Variants in KYNU observed in about 807,000 individuals in gnomAD.
The protein encoded by KYNU is L-kynurenine hydrolase.
In KYNU, 54 loss-of-function variants were observed where a neutral mutation model predicts 59.2. That is an observed-to-expected ratio of 0.91 (90% confidence interval 0.73 to 1.14). The LOEUF (loss-of-function observed/expected upper bound fraction) is 1.14. Among genes scored for constraint, KYNU ranks in the 50% most tolerant of loss-of-function variants. KYNU has a pLI of 0.00. For synonymous variants in KYNU, 177 were observed against 192.0 expected, an observed-to-expected ratio of 0.92 and a Z score of 0.65; for missense variants, 567 against 554.4, an observed-to-expected ratio of 1.02 and a Z score of -0.23.
At position 142,918,722 on chromosome 2, in the gene KYNU, G is replaced by T. The variant is rs199881067; in HGVS notation, c.283G>T (p.Ala95Ser). The change falls in exon 3 of 14, where the codon GCC (alanine) becomes TCC (serine). Residue 95 changes from alanine to serine, a missense_variant. Ala to Ser is a moderately conservative substitution (Grantham distance 99, BLOSUM62 1). Transcript: ENST00000264170. ...TCTTGAAGAAGAACTAGATAAGTGG[G>T]CCAAAATGTAAGTATTATTTTAAAA... ...TYLEEELDKW[A>S]KIAAYGHEVG... The T allele has an allele frequency of 7.2e-5, 116 of 1,610,934 alleles. No homozygotes were observed. In the East Asian group the frequency reaches 2.4e-3, roughly 34 times the overall value.
chr2:142,928,169 G>C (rs1341395403), intron 4 of KYNU, among the ~76,000 whole-genome samples: 1 of 152,032 alleles, frequency 6.6e-6, no homozygotes, highest in Non-Finnish European at 1.5e-5. Flanking sequence ...AATCTTTGGT[G>C]ATCTATTTAA....
At chr2:142,905,232 T>C (rs1029652945) in intron 2 of KYNU, among the ~76,000 whole-genome samples, 4 of 152,336 alleles carry the variant, frequency 2.6e-5, no homozygotes, top group Admixed American at 2.0e-4. Flanking sequence ...GTTTATCTTA[T>C]GTGCCTTTTT....
At chr2:142,942,109 T>C (rs1683619621) in intron 4 of KYNU, among the ~76,000 whole-genome samples, 1 of 146,958 alleles carries the variant, frequency 6.8e-6, no homozygotes, top group South Asian at 2.1e-4. Flanking sequence ...CCTGGGAGTT[T>C]GAGGCTACAG....
rs183763627 is a variant in KYNU at position 142,898,721 on chromosome 2, C to T, written c.169+13185C>T. On this transcript the variant is annotated intron_variant, in intron 2 of 13. Coordinates refer to ENST00000264170, the MANE Select transcript of KYNU (RefSeq NM_003937.3). ...TGTTCTTAGAGCTCCCAAGATGGGG[C>T]GGGCCGCTCCCAAGATGGCAGCAAG... 7.0e-4 allele frequency among the ~76,000 whole-genome samples: 106 copies of T among 152,240 alleles called. 1 individual carries two copies. Among genetic ancestry groups the T allele is most frequent in the African/African-American group, 2.5e-3 (102 of 41,530 alleles).
intron 13 of KYNU, among the ~76,000 whole-genome samples, chr2:143,040,906 C>A (rs78679334): frequency 0.039 from 5,997 of 152,082 alleles, 274 homozygotes; most frequent in African/African-American, 0.11. Context: ...CTTACTCATT[C>A]TTTTCATAAC....
At chr2:142,921,676 G>T (rs1165732981) in intron 3 of KYNU, among the ~76,000 whole-genome samples, 2 of 152,136 alleles carry the variant, frequency 1.3e-5, no homozygotes, top group African/African-American at 2.4e-5. Flanking sequence ...GGGCATGGTG[G>T]TGCATGCCTG....
chr2:142,957,848 C>A, intron 7 of KYNU, 133 bp downstream of exon 7: 1 of 651,916 alleles, frequency 1.5e-6, no homozygotes, highest in Non-Finnish European at 2.7e-6. Context: ...ACCTATACTT[C>A]TGTTACTATT....
Position 143,053,497 on chromosome 2 carries a change from G to T in KYNU, c.*11325G>T, listed in dbSNP as rs757556712. The stretch of plus-strand genomic sequence containing the variant: ...AGAATGATATGGTTTGACTTTGTCC[G>T]CAGTCAAATCTCATCTTGAATTTCT... On this transcript the variant is annotated 3_prime_UTR_variant, in exon 14 of 14. Coordinates refer to ENST00000264170, the MANE Select transcript of KYNU (RefSeq NM_003937.3). The T allele has an allele frequency of 6.6e-6, 1 of 152,184 alleles. No homozygotes were observed. The highest frequency in any genetic ancestry group is 2.4e-5 in the African/African-American group (1 of 41,434). The allele number at this position is 152,184 out of a possible 1,614,324, so 9.4% of individuals were successfully genotyped here. A position where few individuals can be genotyped will look rare whatever the true frequency, so the allele number is the denominator to read the frequency against.
intron 4 of KYNU, among the ~76,000 whole-genome samples, chr2:142,954,545 G>A (rs1684099836): frequency 6.6e-6 from 1 of 152,078 alleles, no homozygotes; most frequent in South Asian, 2.1e-4. Context: ...TAGTTTACAG[G>A]CAAAAGCAAA....
chr2:142,982,273 G>A (rs1456461299), intron 8 of KYNU, among the ~76,000 whole-genome samples: 1 of 152,032 alleles, frequency 6.6e-6, no homozygotes, highest in Non-Finnish European at 1.5e-5. Flanking sequence ...GTTTTGCAAA[G>A]TTCTATCACC....
At chr2:142,970,600 T>G (rs1425612226) in intron 8 of KYNU, among the ~76,000 whole-genome samples, 1 of 152,188 alleles carries the variant, frequency 6.6e-6, no homozygotes, top group Non-Finnish European at 1.5e-5. Context: ...AATTGATGAA[T>G]AAAGGTTAAA....
intron 4 of KYNU, among the ~76,000 whole-genome samples, chr2:142,933,840 T>C (rs943953267): frequency 1.3e-5 from 2 of 152,150 alleles, no homozygotes; most frequent in African/African-American, 4.8e-5. Flanking sequence ...TGAGGTAGTA[T>C]GCACCAGGTG....
At chr2:143,011,216 GAA>G (rs953281440) in intron 10 of KYNU, among the ~76,000 whole-genome samples, 6 of 137,818 alleles carry the variant, frequency 4.4e-5, no homozygotes, top group South Asian at 2.5e-4. Flanking sequence ...AAATTTACAA[GAA>G]AAAAACAAAC....
chr2:142,981,087 A>G (rs956472633), intron 8 of KYNU, among the ~76,000 whole-genome samples: 2 of 152,102 alleles, frequency 1.3e-5, no homozygotes, highest in African/African-American at 4.8e-5. Context: ...TTGTCTACCA[A>G]CCAATGGGGA....
At chr2:142,987,615 T>C (rs945513824) in intron 10 of KYNU, among the ~76,000 whole-genome samples, 2 of 151,976 alleles carry the variant, frequency 1.3e-5, no homozygotes, top group African/African-American at 4.8e-5. Flanking sequence ...GAGAATCTTC[T>C]ATGATTGTTC....
rs969735212 is a variant in KYNU, at chr2:142,885,379, A to G, written c.12A>G (p.Ser4=). 1 of 1,613,862 alleles carries G rather than the reference A, an allele frequency of 6.2e-7. No individual in the cohort carries two copies. Among genetic ancestry groups the G allele is most frequent in the Non-Finnish European group, 8.5e-7 (1 of 1,179,978 alleles). The change falls in exon 2 of 14, where the codon TCA becomes TCG. Residue 4 remains serine, a synonymous_variant. Coordinates refer to ENST00000264170, the MANE Select transcript of KYNU (RefSeq NM_003937.3). Reference sequence around the variant, plus strand: ...GAGAACAACTTGTAATGGAGCCTTCATCTCTTGAGCTGCCGGCTGACACAG... The same window carrying G: ...GAGAACAACTTGTAATGGAGCCTTCGTCTCTTGAGCTGCCGGCTGACACAG... MEP[S]SLELPADTVQ... is the part of the protein sequence containing the mutation.
intron 8 of KYNU, among the ~76,000 whole-genome samples, 154 bp from the exon 9 acceptor site, chr2:142,984,930 G>A (rs571047542): frequency 6.6e-6 from 1 of 152,116 alleles, no homozygotes; most frequent in African/African-American, 2.4e-5. Flanking sequence ...AAAGGGTCCT[G>A]GGAATTATGG....
chr2:142,983,194 T>A (rs1685099222), intron 8 of KYNU, among the ~76,000 whole-genome samples: 1 of 152,006 alleles, frequency 6.6e-6, no homozygotes, highest in Admixed American at 6.6e-5. Context: ...GAGCAGCTGA[T>A]CCAGATTGAG....
At chr2:142,946,828 TC>T (rs1307077535) in intron 4 of KYNU, among the ~76,000 whole-genome samples, 3 of 152,208 alleles carry the variant, frequency 2.0e-5, no homozygotes, top group African/African-American at 7.2e-5. Context: ...CTAGATAGCA[TC>T]TTCTTCCAAT....
Sources: allele counts gnomAD v4.1 joint callset (sites outside exome capture counted in the v4.1 genomes callset), GRCh38; gene constraint gnomAD v4.1.1; transcripts MANE v1.5; gene names NCBI Gene and HGNC (gene_info 2026-07-23, HGNC 2026-07-21).